HIVEP1: variants seen among roughly 807,000 people sequenced by gnomAD.
HIVEP1 encodes zinc finger protein 40.
In HIVEP1, 36 loss-of-function variants were observed where a neutral mutation model predicts 180.0. The observed-to-expected ratio is 0.20, with a 90% confidence interval of 0.15 to 0.26. The LOEUF is 0.26. Among genes scored for constraint, HIVEP1 ranks in the 10% least tolerant of loss-of-function variants. The pLI, the probability that HIVEP1 is intolerant of heterozygous loss-of-function variation, is 1.00. For synonymous variants in HIVEP1, 1,239 were observed against 1,239.0 expected (o/e 1.00, Z 0.00); for missense variants, 3,143 against 3,268.7 (o/e 0.96, Z 0.94).
intron 2 of HIVEP1, chr6:12,038,863 T>A (rs1162848738): frequency 6.6e-5 from 10 of 152,238 alleles, no homozygotes. Context: ...TTTTAGGAGC[T>A]CTGTGGATGG....
the HIVEP1 span, among the ~76,000 whole-genome samples, chr6:12,186,254 T>C: frequency 6.6e-6 from 1 of 150,714 alleles, no homozygotes; most frequent in East Asian, 1.9e-4. Flanking sequence ...ATTACATATA[T>C]ACATATTAAT....
chr6:12,147,295 A>G (rs1759433777), intron 7 of HIVEP1, among the ~76,000 whole-genome samples: 1 of 152,182 alleles, frequency 6.6e-6, no homozygotes, highest in Admixed American at 6.5e-5. Flanking sequence ...CTTGAAAACT[A>G]TTATTTTTTA....
chr6:12,020,279 C>G, intron 2 of HIVEP1: 1 of 470,618 alleles, frequency 2.1e-6, no homozygotes. Context: ...TGACACCGAC[C>G]TATCCTTTGT....
downstream of HIVEP1, among the ~76,000 whole-genome samples, chr6:12,166,591 A>G (rs1760705076): frequency 6.6e-6 from 1 of 152,242 alleles, no homozygotes; most frequent in Non-Finnish European, 1.5e-5. Context: ...AGTCTAAGCC[A>G]TTATATTTTG....
chr6:12,144,682 A>G (rs1759258905), intron 7 of HIVEP1, among the ~76,000 whole-genome samples: 1 of 152,192 alleles, frequency 6.6e-6, no homozygotes, highest in Non-Finnish European at 1.5e-5. Flanking sequence ...TACAAGAAAA[A>G]AAACAACCCC....
the HIVEP1 span, among the ~76,000 whole-genome samples, chr6:12,185,166 T>C: frequency 6.6e-6 from 1 of 152,226 alleles, no homozygotes; most frequent in African/African-American, 2.4e-5. Flanking sequence ...CCATTCAAGA[T>C]GGAATCACAG....
chr6:12,124,945 C>CT lies in HIVEP1; in HGVS notation c.5152dup (p.Ser1718PhefsTer28). The CT allele has an allele frequency of 6.2e-7, 1 of 1,614,002 alleles. No individual in the cohort carries two copies. The highest frequency in any genetic ancestry group is 8.5e-7 in the Non-Finnish European group (1 of 1,179,968). The stretch of plus-strand genomic sequence containing the variant: ...GTTTTTTCAGAGATGAGCCAAAATT[C>CT]TTCTCTATCAGAATCCTTGCCCATA... On this transcript the variant is annotated frameshift_variant, in exon 4 of 9. Transcript: ENST00000379388. LOFTEE classifies it high-confidence loss of function.
intron 2 of HIVEP1, among the ~76,000 whole-genome samples, chr6:12,039,526 C>T (rs1013809773): frequency 6.6e-6 from 1 of 152,176 alleles, no homozygotes; most frequent in African/African-American, 2.4e-5. Context: ...CTGTCCTTAC[C>T]TTCAGTTCCA....
At chr6:12,044,898 G>A (rs1159664586) in intron 2 of HIVEP1, among the ~76,000 whole-genome samples, 1 of 152,212 alleles carries the variant, frequency 6.6e-6, no homozygotes, top group Non-Finnish European at 1.5e-5. Context: ...CCTTCTCCAA[G>A]CTGACTGGAC....
chr6:12,011,849 C>A (rs1293064118), upstream of HIVEP1, among the ~76,000 whole-genome samples: 1 of 146,726 alleles, frequency 6.8e-6, no homozygotes, highest in African/African-American at 2.5e-5. Context: ...GGCCTCAACC[C>A]CAGCCCCCGC....
At position 12,161,898 on chromosome 6, in the gene HIVEP1, C is replaced by T. The variant is rs369557749; in HGVS notation, c.6947C>T (p.Ser2316Phe). The part of the protein sequence containing the change: ...YPESEEILRS[S>F]MAGKAVAITQ... ...GAGTCAGAAGAAATTCTGAGAAGTT[C>T]TATGGCAGGAAAAGCTGTTGCTATA... The change falls in exon 8 of 9, where the codon TCT (serine) becomes TTT (phenylalanine). Residue 2316 changes from serine (S) to phenylalanine (F), a missense_variant. Around this residue, in one of 12 missense-constraint regions of HIVEP1, gnomAD observed 595 missense variants for 602.2 expected, o/e 0.99. Transcript: ENST00000379388. 11 of 1,612,160 alleles carry T rather than the reference C, an allele frequency of 6.8e-6. No homozygotes were observed. Among genetic ancestry groups the T allele is most frequent in the Non-Finnish European group, 9.3e-6 (11 of 1,178,828 alleles).
chr6:12,017,287 CGTGA>C (rs1290627289), intron 2 of HIVEP1, among the ~76,000 whole-genome samples: 5 of 152,134 alleles, frequency 3.3e-5, no homozygotes, highest in African/African-American at 7.2e-5. Context: ...AGGCCCTCGC[CGTGA>C]GTGTTATAGC....
At chr6:12,021,708 C>G (rs1392596439) in intron 2 of HIVEP1, among the ~76,000 whole-genome samples, 1 of 152,084 alleles carries the variant, frequency 6.6e-6, no homozygotes, top group Non-Finnish European at 1.5e-5. Context: ...TCTTGTTGTC[C>G]AGGCTGGAGT....
intron 2 of HIVEP1, among the ~76,000 whole-genome samples, chr6:12,061,115 C>T (rs952747549): frequency 2.0e-5 from 3 of 152,088 alleles, no homozygotes; most frequent in Admixed American, 6.5e-5. Flanking sequence ...TGGCTGGTAA[C>T]GTGACTGTGC....
chr6:12,070,003 G>C (rs757091689), intron 2 of HIVEP1, among the ~76,000 whole-genome samples: 1 of 151,952 alleles, frequency 6.6e-6, no homozygotes, highest in Non-Finnish European at 1.5e-5. Context: ...ACAGACTCAG[G>C]CTCATCAGTA....
chr6:12,147,955 G>A (rs1375252964), intron 7 of HIVEP1, among the ~76,000 whole-genome samples: 1 of 152,096 alleles, frequency 6.6e-6, no homozygotes, highest in Non-Finnish European at 1.5e-5. Context: ...TAAAAGATGA[G>A]GCCTGTACTT....
In HIVEP1 at chr6:12,163,344, G is replaced by A; in HGVS notation, c.7040G>A (p.Gly2347Glu). 1.9e-6 allele frequency: 3 copies of A among 1,614,142 alleles called. No individual in the cohort carries two copies. In the South Asian group the frequency reaches 3.3e-5, roughly 18 times the overall value. ...GAGCACAGCCCCCAGACAGCAGCGG[G>A]GATGCCTTCTGTGGCCTCACCACAT... ...AAEHSPQTAA[G>E]MPSVASPHPD... Residue 2347 changes from glycine to glutamate, a missense_variant, in exon 9 of 9, where the codon GGG (glycine) becomes GAG (glutamate). Gly to Glu is a moderately conservative substitution (Grantham distance 98). Around this residue, in one of 12 missense-constraint regions of HIVEP1, gnomAD observed 595 missense variants for 602.2 expected, o/e 0.99. Transcript: ENST00000379388.
intron 7 of HIVEP1, among the ~76,000 whole-genome samples, chr6:12,152,030 C>T (rs982429103): frequency 4.6e-5 from 7 of 152,126 alleles, no homozygotes; most frequent in Non-Finnish European, 1.0e-4. Flanking sequence ...GTGGCGGGCA[C>T]CTGTAATCCC....
intron 2 of HIVEP1, among the ~76,000 whole-genome samples, chr6:12,082,608 A>G (rs1772860790): frequency 2.0e-5 from 3 of 152,164 alleles, no homozygotes; most frequent in African/African-American, 7.2e-5. Context: ...CTTTACCACT[A>G]GACTCTGCTC....
Sources: gnomAD v4.1 joint callset for allele counts (sites outside exome capture counted in the v4.1 genomes callset) on GRCh38, gnomAD v4.1.1 for gene constraint, gnomAD v4.1.1 regional missense constraint, MANE v1.5 for transcripts, NCBI Gene and HGNC (gene_info 2026-07-23, HGNC 2026-07-21) for gene names.